TENM1: variants seen among roughly 807,000 people sequenced by gnomAD.
TENM1 encodes teneurin-1.
A neutral mutation model predicts 174.8 loss-of-function variants in TENM1; 35 were observed. The ratio of observed to expected loss-of-function variants is 0.20; its 90% CI spans 0.15 to 0.27. The LOEUF (loss-of-function observed/expected upper bound fraction) is 0.27. TENM1 is among the 10% of genes least tolerant of loss of function. The probability of loss-of-function intolerance (pLI) is 1.00; values close to 1 mark genes in which losing one functional copy is unlikely to be tolerated. For synonymous variants in TENM1, 781 were observed against 798.7 expected, an observed-to-expected ratio of 0.98 and a Z score of 0.37; for missense variants, 1,633 against 2,130.1, an observed-to-expected ratio of 0.77 and a Z score of 4.59.
intron 3 of TENM1, among the ~76,000 whole-genome samples, chrX:124,779,806 A>C (rs2054866909): frequency 9.0e-6 from 1 of 111,381 alleles, no homozygotes; most frequent in African/African-American, 3.3e-5. Context: ...AATTCTCACA[A>C]ATATCCTGCA....
chrX:125,155,460 G>T, the TENM1 span, among the ~76,000 whole-genome samples: 2 of 111,233 alleles, frequency 1.8e-5, no homozygotes, highest in African/African-American at 6.6e-5. Flanking sequence ...GTCCCGTGCC[G>T]TGCGCCCACA....
chrX:124,581,139 A>C (rs2049297661), intron 11 of TENM1, among the ~76,000 whole-genome samples: 1 of 94,349 alleles, frequency 1.1e-5, no homozygotes, highest in Non-Finnish European at 2.0e-5. Context: ...ATCTCAGCTC[A>C]CTGCAACCTC....
At chrX:125,196,208 C>CT in the TENM1 span, among the ~76,000 whole-genome samples, 9 of 106,195 alleles carry the variant, frequency 8.5e-5, no homozygotes, top group East Asian at 8.7e-4. Context: ...AAAAAAGTTT[C>CT]TTTTTTTTTT....
chrX:124,695,871 G>A (rs1464629600), intron 5 of TENM1, among the ~76,000 whole-genome samples: 1 of 110,503 alleles, frequency 9.0e-6, no homozygotes, highest in African/African-American at 3.3e-5. Flanking sequence ...CTAGATTGTT[G>A]CCTATCAGCA....
At chrX:124,551,534 A>C (rs777199941) in intron 14 of TENM1, among the ~76,000 whole-genome samples, 7 of 110,014 alleles carry the variant, frequency 6.4e-5, no homozygotes, top group Non-Finnish European at 9.5e-5. Context: ...ACACCCACAC[A>C]CACACACACA....
rs778741605 is a variant in TENM1, at chrX:124,560,616, G to A, written c.2434+1055C>T. 5.4e-5 allele frequency among the ~76,000 whole-genome samples: 6 copies of A among 110,886 alleles called. No homozygotes were observed. The South Asian group carries it at 2.3e-3, about 43-fold the overall frequency. Reference sequence around the variant, plus strand: ...TGATAAGGTCTTAAAACTTTTAAAGGTTAACTGTTAGCCAGAACAAGTAAA... The same window carrying A: ...TGATAAGGTCTTAAAACTTTTAAAGATTAACTGTTAGCCAGAACAAGTAAA... On this transcript the variant is annotated intron_variant, in intron 14 of 31. Transcript: ENST00000422452.
chrX:124,865,858 C>T (rs1464331411), intron 3 of TENM1, among the ~76,000 whole-genome samples: 2 of 111,319 alleles, frequency 1.8e-5, no homozygotes, highest in South Asian at 7.5e-4. Flanking sequence ...GCAGGATTTG[C>T]GATACTTATA....
At chrX:124,807,223 C>A (rs1167881875) in intron 3 of TENM1, among the ~76,000 whole-genome samples, 1 of 112,056 alleles carries the variant, frequency 8.9e-6, no homozygotes, top group Non-Finnish European at 1.9e-5. Context: ...CCAGGCCCCA[C>A]ATCCAACATT....
At chrX:124,462,432 G>GT (rs2061187134) in intron 22 of TENM1, among the ~76,000 whole-genome samples, 1 of 86,174 alleles carries the variant, frequency 1.2e-5, no homozygotes, top group African/African-American at 4.7e-5. Flanking sequence ...GTGTGTGTGT[G>GT]GGGGGGGTGG....
the TENM1 span, among the ~76,000 whole-genome samples, chrX:125,036,422 C>T: frequency 2.7e-5 from 3 of 111,608 alleles, no homozygotes; most frequent in Admixed American, 9.6e-5. Context: ...GTTAAAGTGT[C>T]AAAATGTACC....
At chrX:124,962,950 T>G (rs1192956800) in intron 1 of TENM1, among the ~76,000 whole-genome samples, 1 of 112,674 alleles carries the variant, frequency 8.9e-6, no homozygotes, top group African/African-American at 3.2e-5. Flanking sequence ...GAAATCGTAT[T>G]TCTACTAGTT....
chrX:124,460,309 C>A (rs1319538659), intron 22 of TENM1, among the ~76,000 whole-genome samples: 1 of 111,489 alleles, frequency 9.0e-6, no homozygotes, highest in Admixed American at 9.6e-5. Context: ...TTCACAGTAG[C>A]AAAGACATGG....
intron 23 of TENM1, among the ~76,000 whole-genome samples, chrX:124,447,192 T>C (rs1445699630): frequency 8.9e-6 from 1 of 111,823 alleles, no homozygotes; most frequent in Admixed American, 9.5e-5. Context: ...TAGCTGAAGA[T>C]GGCCCATGTT....
chrX:124,768,609 C>A (rs1469006526), intron 3 of TENM1, among the ~76,000 whole-genome samples: 1 of 112,481 alleles, frequency 8.9e-6, no homozygotes, highest in African/African-American at 3.2e-5. Context: ...CCCACAATTT[C>A]TTTCTTTGCC....
chrX:124,696,741 G>A (rs761501578), intron 5 of TENM1, among the ~76,000 whole-genome samples: 76 of 111,076 alleles, frequency 6.8e-4, no homozygotes, highest in Non-Finnish European at 1.2e-3. Flanking sequence ...TAATATCTAC[G>A]CTTAATTAAA....
At chrX:125,131,969 T>C in the TENM1 span, among the ~76,000 whole-genome samples, 1 of 112,304 alleles carries the variant, frequency 8.9e-6, no homozygotes, top group Non-Finnish European at 1.9e-5. Flanking sequence ...ACGCAGAAAG[T>C]CCATGGAGCA....
At chrX:124,593,896 C>T (rs922595606) in intron 11 of TENM1, among the ~76,000 whole-genome samples, 5 of 111,788 alleles carry the variant, frequency 4.5e-5, no homozygotes, top group African/African-American at 9.8e-5. Flanking sequence ...CTGTGGAGGC[C>T]CCTACCCTAC....
upstream of TENM1, among the ~76,000 whole-genome samples, chrX:124,966,332 T>C (rs187702294): frequency 1.9e-3 from 208 of 111,808 alleles, no homozygotes; most frequent in African/African-American, 6.7e-3. Context: ...TTGCTGTTTG[T>C]GAAAACACCA....
At chrX:125,093,341 A>G in the TENM1 span, among the ~76,000 whole-genome samples, 3 of 111,576 alleles carry the variant, frequency 2.7e-5, no homozygotes. Context: ...TAAGTCCCAG[A>G]GGCAGCCATT....
Sources: gnomAD v4.1 joint callset for allele counts (sites outside exome capture counted in the v4.1 genomes callset) on GRCh38, gnomAD v4.1.1 for gene constraint, MANE v1.5 for transcripts, NCBI Gene and HGNC (gene_info 2026-07-23, HGNC 2026-07-21) for gene names.